Variants in FRMPD4 observed in about 807,000 individuals in gnomAD.
FRMPD4 encodes FERM and PDZ domain containing 4.
In FRMPD4, 22 loss-of-function variants were observed where a neutral mutation model predicts 94.1. The ratio of observed to expected loss-of-function variants is 0.23; its 90% CI spans 0.17 to 0.33. FRMPD4 has a LOEUF of 0.33. Ranked by LOEUF, FRMPD4 falls within the 10% of genes least tolerant of loss-of-function variation. The pLI is 1.00. For synonymous variants in FRMPD4, 631 were observed against 548.6 expected, an observed-to-expected ratio of 1.15 and a Z score of -2.10; for missense variants, 1,111 against 1,339.9, an observed-to-expected ratio of 0.83 and a Z score of 2.67.
At chrX:12,102,647 C>A (rs1488925198) in intron 3 of FRMPD4, among the ~76,000 whole-genome samples, 2 of 111,145 alleles carry the variant, frequency 1.8e-5, no homozygotes, top group Non-Finnish European at 3.8e-5. Flanking sequence ...TAGGAAATAC[C>A]ATTTGCACAT....
intron 1 of FRMPD4, among the ~76,000 whole-genome samples, chrX:11,849,191 A>C (rs1204446285): frequency 8.9e-6 from 1 of 111,818 alleles, no homozygotes; most frequent in East Asian, 2.8e-4. Context: ...TTTAGAAAAT[A>C]ATTTCATTTA....
chrX:12,371,733 G>A, intron 1 of FRMPD4, among the ~76,000 whole-genome samples: 1 of 111,550 alleles, frequency 9.0e-6, no homozygotes, highest in East Asian at 2.8e-4. Context: ...ATATGCCTAT[G>A]ATGATGGTAA....
chrX:12,224,561 T>C (rs1177352160), intron 1 of FRMPD4, among the ~76,000 whole-genome samples: 1 of 112,027 alleles, frequency 8.9e-6, no homozygotes, highest in Admixed American at 9.5e-5. Context: ...ATTTTCTTTT[T>C]ATAATAAGTT....
intron 3 of FRMPD4, among the ~76,000 whole-genome samples, chrX:11,885,655 G>A (rs1158855913): frequency 8.1e-5 from 9 of 111,114 alleles, no homozygotes; most frequent in Admixed American, 7.6e-4. Context: ...TCCTAGTGCC[G>A]TATAGACCTG....
chrX:12,470,220 G>A (rs2057494567), intron 1 of FRMPD4, among the ~76,000 whole-genome samples: 1 of 112,203 alleles, frequency 8.9e-6, no homozygotes, highest in Admixed American at 9.4e-5. Flanking sequence ...TTCTTTCTGA[G>A]AAGGTAGGAC....
intron 1 of FRMPD4, among the ~76,000 whole-genome samples, chrX:12,417,737 C>T (rs1454637764): frequency 9.2e-6 from 1 of 108,692 alleles, no homozygotes; most frequent in South Asian, 4.0e-4. Context: ...TGGCCAGGCA[C>T]GGTGGCTCAA....
intron 3 of FRMPD4, among the ~76,000 whole-genome samples, chrX:12,098,840 G>A (rs2147506746): frequency 9.1e-6 from 1 of 110,216 alleles, no homozygotes; most frequent in Admixed American, 9.7e-5. Flanking sequence ...TCTGAAGGTG[G>A]AATAATTAGA....
chrX:11,870,166 T>C (rs1304516604), intron 2 of FRMPD4, among the ~76,000 whole-genome samples: 1 of 112,020 alleles, frequency 8.9e-6, no homozygotes. Context: ...AGGAGCTAGA[T>C]CTGTTTTATG....
chrX:12,482,684 A>T (rs1282161229), intron 1 of FRMPD4, among the ~76,000 whole-genome samples: 1 of 112,708 alleles, frequency 8.9e-6, no homozygotes, highest in African/African-American at 3.2e-5. Flanking sequence ...TTAAAAACAA[A>T]AACAAACTGC....
intron 3 of FRMPD4, among the ~76,000 whole-genome samples, chrX:12,079,278 T>C (rs1221106875): frequency 9.0e-6 from 1 of 110,671 alleles, no homozygotes; most frequent in Non-Finnish European, 1.9e-5. Flanking sequence ...CTATGTTTAT[T>C]GAAATTCTCC....
At chrX:12,196,862 T>G (rs1350322080) in intron 1 of FRMPD4, among the ~76,000 whole-genome samples, 1 of 105,292 alleles carries the variant, frequency 9.5e-6, no homozygotes, top group Non-Finnish European at 1.9e-5. Flanking sequence ...TTTCACTTTT[T>G]AAATTTGATT....
chrX:12,362,918 T>C (rs933853069), intron 1 of FRMPD4, among the ~76,000 whole-genome samples: 12 of 112,146 alleles, frequency 1.1e-4, no homozygotes, highest in African/African-American at 3.6e-4. Flanking sequence ...TGAGATGGTA[T>C]CTCATTGTGG....
chrX:11,879,035 G>A (rs1303789528), intron 3 of FRMPD4, among the ~76,000 whole-genome samples: 1 of 111,929 alleles, frequency 8.9e-6, no homozygotes, highest in Non-Finnish European at 1.9e-5. Context: ...ATTACTTGGT[G>A]GCACTATTTG....
chrX:12,302,993 A>G (rs887982582), intron 1 of FRMPD4, among the ~76,000 whole-genome samples: 6 of 111,801 alleles, frequency 5.4e-5, no homozygotes, highest in Non-Finnish European at 1.1e-4. Context: ...GGCAATGAAC[A>G]TGCATTTTGG....
At chrX:12,056,839 ATGGGG>A (rs1350000755) in intron 3 of FRMPD4, among the ~76,000 whole-genome samples, 1 of 111,895 alleles carries the variant, frequency 8.9e-6, no homozygotes, top group Non-Finnish European at 1.9e-5. Context: ...TGATAGGTAT[ATGGGG>A]TGTTTCTATG....
At chrX:11,952,887 C>A (rs183892788) in intron 3 of FRMPD4, among the ~76,000 whole-genome samples, 71 of 111,613 alleles carry the variant, frequency 6.4e-4, no homozygotes, top group African/African-American at 2.2e-3. Flanking sequence ...ATTTCAGGCA[C>A]CCCCAAAATC....
At chrX:12,087,213 G>A (rs1289130363) in intron 3 of FRMPD4, among the ~76,000 whole-genome samples, 2 of 111,810 alleles carry the variant, frequency 1.8e-5, no homozygotes, top group African/African-American at 6.5e-5. Context: ...ACCTTAGGGT[G>A]TGTCCACCAA....
chrX:12,048,362 T>A (rs1273761365), intron 3 of FRMPD4, among the ~76,000 whole-genome samples: 1 of 112,395 alleles, frequency 8.9e-6, no homozygotes, highest in African/African-American at 3.2e-5. Flanking sequence ...TTGCATTGTT[T>A]AAGTTCCTTA....
chrX:12,332,213 G>T (rs771299699), intron 1 of FRMPD4, among the ~76,000 whole-genome samples: 4,787 of 49,133 alleles, frequency 0.097, 304 homozygotes, highest in African/African-American at 0.19. Flanking sequence ...TATATAGAGA[G>T]AGAGAGAGAG....
Sources: allele counts gnomAD v4.1 joint callset (sites outside exome capture counted in the v4.1 genomes callset), GRCh38; gene constraint gnomAD v4.1.1; transcripts MANE v1.5; gene names NCBI Gene and HGNC (gene_info 2026-07-23, HGNC 2026-07-21).